The following PKD1L1 variants were observed in gnomAD, a reference collection of about 807,000 sequenced individuals.
The protein encoded by PKD1L1 is polycystin-1-like protein 1.
Under a neutral mutation model 323.4 loss-of-function variants are expected in PKD1L1, and 236 were observed. The ratio of observed to expected loss-of-function variants is 0.73; its 90% CI spans 0.66 to 0.81. The LOEUF is 0.81. PKD1L1 is among the 40% of genes least tolerant of loss of function. PKD1L1 has a pLI of 0.00. For missense variants in PKD1L1, 3,320 were observed against 3,508.0 expected, an observed-to-expected ratio of 0.95 and a Z score of 1.35; for synonymous variants, 1,344 against 1,335.0, an observed-to-expected ratio of 1.01 and a Z score of -0.15.
At position 47,846,944 on chromosome 7, in the gene PKD1L1, CTT is replaced by C. The variant is rs867742191; in HGVS notation, c.5086_5087del (p.Lys1696GlufsTer6). ...AGAAACGTTCAGATTTCCACTCTCT[CTT>C]GTCCCAAAACAGGCATCGGATCCAC... is the stretch of plus-strand genomic sequence containing the variant. Reference protein sequence around the residue: ...FQWIRCLFWDKREWKSERFSP... With the variant: ...FQWIRCLFWDXREWKSERFSP... On this transcript the variant is annotated frameshift_variant, in exon 32 of 57. Transcript: ENST00000289672. LOFTEE classifies it high-confidence loss of function. 13 of 1,613,896 alleles carry C rather than the reference CTT, an allele frequency of 8.1e-6. No homozygotes were observed. Among genetic ancestry groups the C allele is most frequent in the East Asian group, 2.2e-5 (1 of 44,898 alleles).
rs1439987715 is a variant in PKD1L1 at position 47,882,104 on chromosome 7, C to A, written c.3266-19G>T. The A allele has an allele frequency of 6.2e-7, 1 of 1,608,992 alleles. No homozygotes were observed. Among genetic ancestry groups the A allele is most frequent in the South Asian group, 1.1e-5 (1 of 90,230 alleles). On this transcript the variant is annotated intron_variant, in intron 19 of 56. Transcript: ENST00000289672. ...TCCTTAGCTAGGAAGATAAACCAAGCCAATAGATGTTAAAGAAAAAAAGTC... is the reference window on the plus strand; with the variant it reads ...TCCTTAGCTAGGAAGATAAACCAAGACAATAGATGTTAAAGAAAAAAAGTC...
intron 42 of PKD1L1, among the ~76,000 whole-genome samples, chr7:47,830,972 G>A (rs1785336890): frequency 6.6e-6 from 1 of 152,176 alleles, no homozygotes; most frequent in Admixed American, 6.5e-5. Context: ...GCAGCTTCTT[G>A]TTTAATATCT....
rs188433465 is a variant in PKD1L1 at position 47,868,105 on chromosome 7, T to C, written c.3897-1491A>G. Among the ~76,000 whole-genome samples, 45 of 152,352 alleles carry C rather than the reference T, an allele frequency of 3.0e-4. No individual in the cohort carries two copies. In the East Asian group the frequency reaches 5.2e-3, roughly 18 times the overall value. On this transcript the variant is annotated intron_variant, in intron 24 of 56. Transcript: ENST00000289672. ...CACAAAGTCTAGGCGTGGTGGCTCA[T>C]GCCTGTAATCCCAGCACTTTGGGAG...
chr7:47,959,203 C>T, the PKD1L1 span, among the ~76,000 whole-genome samples: 2 of 152,084 alleles, frequency 1.3e-5, no homozygotes, highest in Non-Finnish European at 2.9e-5. Flanking sequence ...CTGCCTTGGC[C>T]TCCCAAAGTG....
Position 47,890,550 on chromosome 7 carries a change from C to G in PKD1L1, c.2667G>C (p.Ser889=). The change falls in exon 16 of 57, where the codon TCG becomes TCC. Residue 889 remains serine, a synonymous_variant. Transcript: ENST00000289672. ...AATACAGGGTCAGGTACCTGAACGC[C>G]GAGTCAGGGTAGGGGGACAGGAACA... is the stretch of plus-strand genomic sequence containing the variant. The part of the protein sequence containing the change: ...TRVFLSPYPD[S]AFRFVHISWV... The G allele has an allele frequency of 6.2e-7, 1 of 1,613,920 alleles. No individual in the cohort carries two copies. The highest frequency in any genetic ancestry group is 8.5e-7 in the Non-Finnish European group (1 of 1,179,990).
In PKD1L1 at chr7:47,833,488, G is replaced by A. The variant is rs370735205; in HGVS notation, c.6175-236C>T. Among the ~76,000 whole-genome samples the A allele has an allele frequency of 3.9e-5, 6 of 152,258 alleles. No individual in the cohort carries two copies. In the South Asian group the frequency reaches 6.2e-4, roughly 16 times the overall value. On this transcript the variant is annotated intron_variant, in intron 40 of 56. Coordinates refer to ENST00000289672, the MANE Select transcript of PKD1L1 (RefSeq NM_138295.5). ...CTGGGGAAATGTTGGTGGCCTAACA[G>A]CAGCTCCACACAGTCAGGGTGATTG...
upstream of PKD1L1, among the ~76,000 whole-genome samples, chr7:47,948,771 A>AGC (rs1212635216): frequency 6.6e-6 from 1 of 152,260 alleles, no homozygotes; most frequent in African/African-American, 2.4e-5. Context: ...CAGCCTGGCC[A>AGC]ATATGGTGAA....
At position 47,904,460 on chromosome 7, in the gene PKD1L1, C is replaced by T. The variant is rs116782098; in HGVS notation, c.1849G>A (p.Gly617Ser). Reference protein sequence around the residue: ...SVAFECWINFGTDVAYLWDFG... With the variant: ...SVAFECWINFSTDVAYLWDFG... ...TCCCACAGGTAGGCAACATCTGTGC[C>T]GAAGTTGATCCAGCACTCAAAGGCC... The change falls in exon 12 of 57, where the codon GGC (glycine) becomes AGC (serine). Residue 617 changes from glycine to serine, a missense_variant. Coordinates refer to ENST00000289672, the MANE Select transcript of PKD1L1 (RefSeq NM_138295.5). 96 of 1,614,114 alleles carry T rather than the reference C, an allele frequency of 5.9e-5. No homozygotes were observed. In the African/African-American group the frequency reaches 1.0e-3, roughly 17 times the overall value.
chr7:47,819,754 A>T (rs1343830113), intron 46 of PKD1L1: 8 of 349,208 alleles, frequency 2.3e-5, no homozygotes, highest in Non-Finnish European at 4.3e-5. Context: ...GACAAAGGGG[A>T]CAATATCCAT....
chr7:47,814,529 G>A (rs956916050), intron 47 of PKD1L1, among the ~76,000 whole-genome samples: 29 of 152,122 alleles, frequency 1.9e-4, no homozygotes, highest in African/African-American at 6.5e-4. Context: ...ACAGGCATGT[G>A]CCACCACGCG....
At chr7:47,895,014 T>A (rs963015735) in intron 14 of PKD1L1, among the ~76,000 whole-genome samples, 1 of 152,178 alleles carries the variant, frequency 6.6e-6, no homozygotes, top group Non-Finnish European at 1.5e-5. Flanking sequence ...GGAACAGCTG[T>A]AGGATTAGAA....
At chr7:47,855,829 TC>T (rs1785889272) in intron 28 of PKD1L1, among the ~76,000 whole-genome samples, 1 of 96,758 alleles carries the variant, frequency 1.0e-5, no homozygotes, top group Non-Finnish European at 1.8e-5. Context: ...TGAGCCGAGA[TC>T]CCGCCACTGC....
At chr7:47,862,469 G>A (rs1270216958) in intron 26 of PKD1L1, among the ~76,000 whole-genome samples, 1 of 152,182 alleles carries the variant, frequency 6.6e-6, no homozygotes, top group Non-Finnish European at 1.5e-5. Flanking sequence ...CGCCTGCCAT[G>A]CGTTACACCT....
intron 26 of PKD1L1, among the ~76,000 whole-genome samples, chr7:47,864,614 TTCTTTC>T (rs1437961076): frequency 7.0e-6 from 1 of 143,744 alleles, no homozygotes; most frequent in Admixed American, 7.0e-5. Flanking sequence ...CTTTCTTTCT[TTCTTTC>T]TTTCTTTCTT....
At chr7:47,951,971 G>C (rs558356144), upstream of PKD1L1, among the ~76,000 whole-genome samples, 169 of 152,326 alleles carry the variant, frequency 1.1e-3, no homozygotes, top group Non-Finnish European at 1.3e-3. Flanking sequence ...CTTTGGATGA[G>C]CAGTAGCACA....
intron 26 of PKD1L1, among the ~76,000 whole-genome samples, chr7:47,861,522 G>A (rs116321336): frequency 0.01 from 1,529 of 152,318 alleles, 21 homozygotes; most frequent in African/African-American, 0.034. Flanking sequence ...AGATGCCTAC[G>A]TTGGGTTGTG....
At chr7:47,842,660 C>G (rs1785585574) in intron 34 of PKD1L1, among the ~76,000 whole-genome samples, 1 of 152,274 alleles carries the variant, frequency 6.6e-6, no homozygotes, top group South Asian at 2.1e-4. Flanking sequence ...GAGTACAACT[C>G]ATTCTCAGAG....
intron 47 of PKD1L1, among the ~76,000 whole-genome samples, chr7:47,814,541 G>A (rs975371138): frequency 5.9e-5 from 9 of 152,038 alleles, no homozygotes; most frequent in East Asian, 1.9e-4. Flanking sequence ...CACCACGCGC[G>A]GCTAATTTTT....
rs1408413418 is a variant in PKD1L1, at chr7:47,885,950, G to A, written c.2941C>T (p.Pro981Ser). Residue 981 changes from proline (P) to serine (S), a missense_variant, in exon 18 of 57, where the codon CCT becomes TCT. Transcript: ENST00000289672. ...LLPTEPGTAD[P>S]DATTTPFSRE... Reference sequence around the variant, plus strand: ...GAGAATGGTGTGGTCGTTGCATCAGGATCTGCAGTGCCAGGCTCAGTGGGC... The same window carrying A: ...GAGAATGGTGTGGTCGTTGCATCAGAATCTGCAGTGCCAGGCTCAGTGGGC... The A allele has an allele frequency of 1.2e-6, 2 of 1,614,116 alleles. No individual in the cohort carries two copies. The highest frequency in any genetic ancestry group is 2.7e-5 in the African/African-American group (2 of 74,926).
Sources: allele counts gnomAD v4.1 joint callset (sites outside exome capture counted in the v4.1 genomes callset), GRCh38; gene constraint gnomAD v4.1.1; transcripts MANE v1.5; gene names NCBI Gene and HGNC (gene_info 2026-07-23, HGNC 2026-07-21).